PHB2: variants seen among roughly 807,000 people sequenced by gnomAD.
PHB2 encodes the protein prohibitin 2, also known as prohibitin-2.
In PHB2, 22 loss-of-function variants were observed where a neutral mutation model predicts 46.4. That is an observed-to-expected ratio of 0.47 (90% CI 0.34 to 0.68). PHB2 has a LOEUF of 0.68. Ranked by LOEUF, PHB2 falls within the 30% of genes least tolerant of loss-of-function variation. PHB2 has a pLI of 0.01. For synonymous variants in PHB2, 156 were observed against 150.5 expected, an observed-to-expected ratio of 1.04 and a Z score of -0.27; for missense variants, 305 against 382.8, an observed-to-expected ratio of 0.80 and a Z score of 1.70.
chr12:6,970,536 T>G lies in PHB2; in HGVS notation c.8A>C (p.Gln3Pro). MA[Q>P]NLKDLAGRLP... The stretch of plus-strand genomic sequence containing the variant: ...CCGTCCCGCCAAGTCCTTCAAGTTC[T>G]GGGCCATGTCTGATCTTGAGGCCGG... The change falls in exon 1 of 10, where the codon CAG becomes CCG. Residue 3 changes from glutamine (Q) to proline (P), a missense_variant. Physicochemically the swap from Gln to Pro is moderately conservative, Grantham distance 76. Transcript: ENST00000535923. 2 of 1,601,846 alleles carry G rather than the reference T, an allele frequency of 1.2e-6. No individual in the cohort carries two copies. Among genetic ancestry groups the G allele is most frequent in the Non-Finnish European group, 1.7e-6 (2 of 1,177,164 alleles).
intron 8 of PHB2, among the ~76,000 whole-genome samples, chr12:6,966,219 G>T (rs1225195515): frequency 6.6e-6 from 1 of 152,174 alleles, no homozygotes; most frequent in African/African-American, 2.4e-5. Flanking sequence ...TATAATTAAA[G>T]TGCTTTTTAT....
chr12:6,966,041 T>A, intron 8 of PHB2, 125 bp from the exon 9 acceptor site: 1 of 1,026,084 alleles, frequency 9.7e-7, no homozygotes, highest in Non-Finnish European at 1.5e-6. Flanking sequence ...TAAACAGGGT[T>A]GACAGCCAGG....
Position 6,967,100 on chromosome 12 carries a change from C to T in PHB2, c.789+71G>A, listed in dbSNP as rs1041990769. 16 of 1,264,850 alleles carry T rather than the reference C, an allele frequency of 1.3e-5. No homozygotes were observed. The highest frequency in any genetic ancestry group is 1.6e-5 in the Non-Finnish European group (14 of 888,504). 78.4% of individuals were successfully genotyped at this position (1,264,850 alleles called of 1,614,324 possible). ...AACAAGCAAGGTTCGAATTCCCTCA[C>T]CTCAATGTGCCTTAACTGAAAGCAC... is the stretch of plus-strand genomic sequence containing the variant. On this transcript the variant is annotated intron_variant, in intron 7 of 9. Coordinates refer to ENST00000535923, the MANE Select transcript of PHB2 (RefSeq NM_001144831.2). The surrounding 1 kb of genome is among the most constrained non-coding windows in gnomAD (Gnocchi z 4.9).
At position 6,966,446 on chromosome 12, in the gene PHB2, G is replaced by GCT; in HGVS notation, c.843_844insAG (p.Leu282SerfsTer39). ...CACCTGGTGAAACTTTCATCCTGTA[G>GCT]GTTCAGCACAAGGTTGTCAGCTGTG... is the stretch of plus-strand genomic sequence containing the variant. On this transcript the variant is annotated frameshift_variant, in exon 8 of 10. Coordinates refer to ENST00000535923, the MANE Select transcript of PHB2 (RefSeq NM_001144831.2). LOFTEE classifies it high-confidence loss of function. The GCT allele has an allele frequency of 6.2e-7, 1 of 1,609,102 alleles. No individual in the cohort carries two copies. The highest frequency in any genetic ancestry group is 8.5e-7 in the Non-Finnish European group (1 of 1,175,428).
In PHB2 at chr12:6,967,451, C is replaced by T; in HGVS notation, c.712-203G>A. ...CTAGGGGCAGCACCAGAAATGAAGG[C>T]AAGGCCACCAATGCTATTGATCTGG... On this transcript the variant is annotated intron_variant, in intron 6 of 9. Coordinates refer to ENST00000535923, the MANE Select transcript of PHB2 (RefSeq NM_001144831.2). The surrounding 1 kb of genome is among the most constrained non-coding windows in gnomAD (Gnocchi z 4.9). The T allele has an allele frequency of 1.7e-6, 2 of 1,153,814 alleles. No homozygotes were observed. The highest frequency in any genetic ancestry group is 2.6e-6 in the Non-Finnish European group (2 of 771,394). The allele number at this position is 1,153,814 out of a possible 1,614,324, so 71.5% of individuals were successfully genotyped here.
rs1397576592 is a variant in PHB2, at chr12:6,966,413, A to G, written c.866+11T>C. The G allele has an allele frequency of 6.4e-7, 1 of 1,550,634 alleles. No homozygotes were observed. The highest frequency in any genetic ancestry group is 1.4e-5 in the African/African-American group (1 of 73,744). On this transcript the variant is annotated intron_variant, in intron 8 of 9. Coordinates refer to ENST00000535923, the MANE Select transcript of PHB2 (RefSeq NM_001144831.2). ...CTTGGTGATACCCCACAGTGTGGCC[A>G]CATCTCTCACCTGGTGAAACTTTCA...
At position 6,967,151 on chromosome 12, in the gene PHB2, C is replaced by T. The variant is rs782040982; in HGVS notation, c.789+20G>A. 1.2e-5 allele frequency: 19 copies of T among 1,549,318 alleles called. No individual in the cohort carries two copies. Among genetic ancestry groups the T allele is most frequent in the African/African-American group, 8.2e-5 (6 of 73,306 alleles). ...TTTCTCAAGGCAGCCCCATCAGAGA[C>T]GCTGGGCTGACACACTCACCGTCTT... On this transcript the variant is annotated intron_variant, in intron 7 of 9. Transcript: ENST00000535923. The surrounding 1 kb of genome is among the most constrained non-coding windows in gnomAD (Gnocchi z 4.9).
intron 8 of PHB2, 126 bp downstream of exon 8, chr12:6,966,298 C>A (rs1555150774): frequency 2.9e-6 from 2 of 688,938 alleles, no homozygotes; most frequent in African/African-American, 1.8e-5. Context: ...TCAACCACCC[C>A]CTTTTCTAAT....
chr12:6,965,998 CT>C, intron 8 of PHB2, 82 bp from the exon 9 acceptor site: 1 of 1,423,884 alleles, frequency 7.0e-7, no homozygotes, highest in Admixed American at 1.8e-5. Context: ...CCCCACTCAG[CT>C]TTGAACCCTC....
chr12:6,966,725 G>A (rs1435928763), intron 7 of PHB2, among the ~76,000 whole-genome samples: 1 of 152,108 alleles, frequency 6.6e-6, no homozygotes, highest in African/African-American at 2.4e-5. Flanking sequence ...TTGACAGGAG[G>A]AGTATCGGAG....
intron 4 of PHB2, 98 bp downstream of exon 4, chr12:6,968,313 T>G: frequency 1.1e-6 from 1 of 900,218 alleles, no homozygotes; most frequent in Non-Finnish European, 1.7e-6. Context: ...GGCACTAGGG[T>G]GACAATGCTT....
At chr12:6,966,715 T>C (rs1302351791) in intron 7 of PHB2, among the ~76,000 whole-genome samples, 1 of 152,198 alleles carries the variant, frequency 6.6e-6, no homozygotes, top group Admixed American at 6.5e-5. Context: ...GGAATCATTC[T>C]TGACAGGAGG....
chr12:6,967,386 G>A lies in PHB2; in HGVS notation c.712-138C>T. ...GTGGCTTGTGCCCAGCCCTACCGTG[G>A]ACCCCACCTGTGGGCCTCCCTGCAG... On this transcript the variant is annotated intron_variant, in intron 6 of 9. Coordinates refer to ENST00000535923, the MANE Select transcript of PHB2 (RefSeq NM_001144831.2). This position sits in a 1 kb window ranked among gnomAD's most constrained non-coding sequence, Gnocchi z 4.9. 1 of 1,600,904 alleles carries A rather than the reference G, an allele frequency of 6.2e-7. No individual in the cohort carries two copies. The highest frequency in any genetic ancestry group is 8.5e-7 in the Non-Finnish European group (1 of 1,171,424).
chr12:6,965,766 G>C (rs782807465), intron 9 of PHB2, 54 bp from the exon 10 acceptor site: 1 of 1,564,760 alleles, frequency 6.4e-7, no homozygotes, highest in Non-Finnish European at 8.8e-7. Context: ...AAATGTGAGA[G>C]GCAGGACACT....
chr12:6,965,663 G>C lies in PHB2; in HGVS notation c.*22C>G, dbSNP rs966144550. ...AGAAGCAGATCCACTTCCTCTGGGG[G>C]TGGAGTTCTTGGTGACTAGGCTCAT... On this transcript the variant is annotated 3_prime_UTR_variant, in exon 10 of 10. Coordinates refer to ENST00000535923, the MANE Select transcript of PHB2 (RefSeq NM_001144831.2). 6.2e-7 allele frequency: 1 copy of C among 1,607,220 alleles called. No homozygotes were observed. The highest frequency in any genetic ancestry group is 1.1e-5 in the South Asian group (1 of 90,432).
chr12:6,968,108 C>T, intron 4 of PHB2, 87 bp from the exon 5 acceptor site: 2 of 1,198,028 alleles, frequency 1.7e-6, no homozygotes, highest in South Asian at 1.5e-5. Context: ...TAACCCTTCA[C>T]TCTCAATACA....
intron 3 of PHB2, chr12:6,968,803 C>A (rs943283223): frequency 3.4e-6 from 2 of 596,626 alleles, no homozygotes; most frequent in African/African-American, 1.8e-5. Flanking sequence ...GAACTGCAAA[C>A]CCCGTCACCA....
intron 7 of PHB2, among the ~76,000 whole-genome samples, chr12:6,966,952 T>G (rs1011896282): frequency 3.9e-5 from 6 of 152,224 alleles, no homozygotes; most frequent in African/African-American, 1.4e-4. Flanking sequence ...TTTCACCATG[T>G]TGGCCAGGCT....
At chr12:6,965,759 T>C (rs1172256973) in intron 9 of PHB2, 47 bp from the exon 10 acceptor site, 3 of 1,579,496 alleles carry the variant, frequency 1.9e-6, no homozygotes, top group Non-Finnish European at 2.6e-6. Context: ...GGGACATAAA[T>C]GTGAGAGGCA....
Sources: gnomAD v4.1 joint callset for allele counts (sites outside exome capture counted in the v4.1 genomes callset) on GRCh38, gnomAD v4.1.1 for gene constraint, Gnocchi (gnomAD v3.1) non-coding constraint, MANE v1.5 for transcripts, NCBI Gene and HGNC (gene_info 2026-07-23, HGNC 2026-07-21) for gene names.